STAT1: variants seen among roughly 807,000 people sequenced by gnomAD.
The protein encoded by STAT1 is signal transducer and activator of transcription 1-alpha/beta.
STAT1 carries 24 observed loss-of-function variants against 111.7 expected under a neutral mutation model. That is an observed-to-expected ratio of 0.21 (90% CI 0.16 to 0.30). STAT1 has a LOEUF of 0.30. Ranked by LOEUF, STAT1 falls within the 10% of genes least tolerant of loss-of-function variation. The pLI is 1.00. For synonymous variants in STAT1, 332 were observed against 326.5 expected (o/e 1.02, Z -0.18); for missense variants, 351 against 911.9 (o/e 0.38, Z 7.92).
chr2:190,984,196 T>A lies in STAT1; in HGVS notation c.1347+114A>T. The A allele has an allele frequency of 2.2e-6, 2 of 899,854 alleles. No individual in the cohort carries two copies. Among genetic ancestry groups the A allele is most frequent in the Non-Finnish European group, 3.6e-6 (2 of 561,304 alleles). The allele number at this position is 899,854 out of a possible 1,614,324, so 55.7% of individuals were successfully genotyped here. A position where few individuals can be genotyped will look rare whatever the true frequency, so the allele number is the denominator to read the frequency against. ...AGATAGTATTAGCTGAAAAAGATCA[T>A]TTTAAAACAATTAGGTAAATACCTC... On this transcript the variant is annotated intron_variant, in intron 16 of 24. Transcript: ENST00000361099. This position sits in a 1 kb window ranked among gnomAD's most constrained non-coding sequence, Gnocchi z 5.2.
At position 190,992,774 on chromosome 2, in the gene STAT1, T is replaced by C. The variant is rs899080119; in HGVS notation, c.945-1454A>G. The C allele has an allele frequency of 8.0e-6, 5 of 628,242 alleles. No individual in the cohort carries two copies. In the Admixed American group the frequency reaches 1.5e-4, roughly 19 times the overall value. The allele number at this position is 628,242 out of a possible 1,614,324, so 38.9% of individuals were successfully genotyped here. A position where few individuals can be genotyped will look rare whatever the true frequency, so the allele number is the denominator to read the frequency against. On this transcript the variant is annotated intron_variant, in intron 10 of 24. Transcript: ENST00000361099. ...CTGCCATCATCATGGAACACAGTTC[T>C]ACATTCATTGCATTCTTTCTTTTTT...
At position 190,973,809 on chromosome 2, in the gene STAT1, T is replaced by C. The variant is rs1691684072; in HGVS notation, c.2238+1021A>G. Among the ~76,000 whole-genome samples, 1 of 152,142 alleles carries C rather than the reference T, an allele frequency of 6.6e-6. No individual in the cohort carries two copies. Among genetic ancestry groups the C allele is most frequent in the Non-Finnish European group, 1.5e-5 (1 of 68,026 alleles). On this transcript the variant is annotated intron_variant, in intron 24 of 24. Coordinates refer to ENST00000361099, the MANE Select transcript of STAT1 (RefSeq NM_007315.4). This position sits in a 1 kb window ranked among gnomAD's most constrained non-coding sequence, Gnocchi z 4.4. ...TGTAGGAAGGTACAATCTCTAATGA[T>C]TGTAGCCCGTGCTTAAGGTGAGGAA... is the stretch of plus-strand genomic sequence containing the variant.
Position 190,986,159 on chromosome 2 carries a change from G to A in STAT1, c.1222-499C>T, listed in dbSNP as rs537163284. Among the ~76,000 whole-genome samples the A allele has an allele frequency of 2.0e-5, 3 of 152,188 alleles. No homozygotes were observed. Among genetic ancestry groups the A allele is most frequent in the South Asian group, 2.1e-4 (1 of 4,826 alleles). On this transcript the variant is annotated intron_variant, in intron 14 of 24. Coordinates refer to ENST00000361099, the MANE Select transcript of STAT1 (RefSeq NM_007315.4). This position sits in a 1 kb window ranked among gnomAD's most constrained non-coding sequence, Gnocchi z 5.0. ...GGCACCTGAGTTGGGCTAAGCTTTC[G>A]AGTTAGGTAGAGCTTCCTAGCTACG...
rs533671897 is a variant in STAT1, at chr2:190,991,273, C to T, written c.992G>A (p.Arg331Lys). Residue 331 changes from arginine to lysine, a missense_variant, in exon 11 of 25, where the codon AGG becomes AAG. Around this residue, in one of 7 missense-constraint regions of STAT1, gnomAD observed 23 missense variants for 123.1 expected, o/e 0.19. Coordinates refer to ENST00000361099, the MANE Select transcript of STAT1 (RefSeq NM_007315.4). ...GACCCCTGTCTTCAAGACCAGCGGCCTCTGAGGGTGCGTTGGCATGCAGGG... is the reference window on the plus strand; with the variant it reads ...GACCCCTGTCTTCAAGACCAGCGGCTTCTGAGGGTGCGTTGGCATGCAGGG... ...RQPCMPTHPQ[R>K]PLVLKTGVQF... The T allele has an allele frequency of 1.3e-5, 21 of 1,614,108 alleles. No individual in the cohort carries two copies. The South Asian group carries it at 2.1e-4, about 16-fold the overall frequency.
At chr2:191,010,189 G>A (rs1475386179) in intron 2 of STAT1, among the ~76,000 whole-genome samples, 185 bp from the exon 3 acceptor site, 1 of 152,166 alleles carries the variant, frequency 6.6e-6, no homozygotes, top group Non-Finnish European at 1.5e-5. Context: ...GTTTGGGGAT[G>A]AACTTTTTTT....
chr2:190,972,384 A>C (rs1691557645), intron 24 of STAT1, among the ~76,000 whole-genome samples: 1 of 152,244 alleles, frequency 6.6e-6, no homozygotes, highest in African/African-American at 2.4e-5. Flanking sequence ...AATCCAGACT[A>C]AACAAATGCC....
chr2:190,994,226 C>A (rs546257308), intron 10 of STAT1, among the ~76,000 whole-genome samples: 4 of 152,238 alleles, frequency 2.6e-5, no homozygotes, highest in South Asian at 2.1e-4. Flanking sequence ...AGCAAGAGGT[C>A]AAGTTTGCCT....
rs1197994971 is a variant in STAT1, at chr2:190,989,577, T to C, written c.1097+38A>G. ...TTGAGTAACAAAATCAACATTTCAA[T>C]AGTACATGTATGTTATATAATGTTA... is the stretch of plus-strand genomic sequence containing the variant. On this transcript the variant is annotated intron_variant, in intron 12 of 24. Transcript: ENST00000361099. This position sits in a 1 kb window ranked among gnomAD's most constrained non-coding sequence, Gnocchi z 5.0. 8.2e-7 allele frequency: 1 copy of C among 1,223,938 alleles called. No individual in the cohort carries two copies. Among genetic ancestry groups the C allele is most frequent in the Non-Finnish European group, 1.2e-6 (1 of 852,456 alleles). The allele number at this position is 1,223,938 out of a possible 1,614,324, so 75.8% of individuals were successfully genotyped here.
rs878882294 is a variant in STAT1, at chr2:190,993,488, G to A, written c.944+1573C>T. The A allele has an allele frequency of 1.2e-5, 13 of 1,040,316 alleles. No individual in the cohort carries two copies. The highest frequency in any genetic ancestry group is 1.0e-4 in the East Asian group (4 of 39,050). The allele number at this position is 1,040,316 out of a possible 1,614,324, so 64.4% of individuals were successfully genotyped here. A position where few individuals can be genotyped will look rare whatever the true frequency, so the allele number is the denominator to read the frequency against. The stretch of plus-strand genomic sequence containing the variant: ...TGTTATCATCTGCAAACCTAAGAAG[G>A]AGGCAAGACTTTCCAACCCCAGAGT... On this transcript the variant is annotated intron_variant, in intron 10 of 24. Coordinates refer to ENST00000361099, the MANE Select transcript of STAT1 (RefSeq NM_007315.4). The surrounding 1 kb of genome is among the most constrained non-coding windows in gnomAD (Gnocchi z 4.1).
rs898562727 is a variant in STAT1, at chr2:190,986,760, G to A, written c.1221+94C>T. On this transcript the variant is annotated intron_variant, in intron 14 of 24. Transcript: ENST00000361099. The surrounding 1 kb of genome is among the most constrained non-coding windows in gnomAD (Gnocchi z 5.0). The stretch of plus-strand genomic sequence containing the variant: ...AGTCTACAAACCCCAGCAGGGGGGC[G>A]TCCTCCACATGGCAATGTGCCAAAA... 1.4e-5 allele frequency: 17 copies of A among 1,214,916 alleles called. No homozygotes were observed. The highest frequency in any genetic ancestry group is 7.3e-5 in the South Asian group (6 of 82,732). 75.3% of individuals were successfully genotyped at this position (1,214,916 alleles called of 1,614,324 possible).
Position 190,990,642 on chromosome 2 carries a change from C to A in STAT1, c.1037+586G>T, listed in dbSNP as rs992397301. Among the ~76,000 whole-genome samples the A allele has an allele frequency of 2.0e-5, 3 of 152,026 alleles. No homozygotes were observed. Among genetic ancestry groups the A allele is most frequent in the Admixed American group, 6.6e-5 (1 of 15,262 alleles). On this transcript the variant is annotated intron_variant, in intron 11 of 24. Coordinates refer to ENST00000361099, the MANE Select transcript of STAT1 (RefSeq NM_007315.4). The surrounding 1 kb of genome is among the most constrained non-coding windows in gnomAD (Gnocchi z 5.1). ...TGAAATATTTGTGTAGACATGGAAT[C>A]CTAATTTTTTAAAAAGGAAACATTA...
rs911942502 is a variant in STAT1 at position 190,976,510 on chromosome 2, C to CT, written c.2059+329dup. ...TTCTCCCAGGCCTCAGTTTCCTCAA[C>CT]TTTAACGTGAGCAAGATGCCTTCTG... On this transcript the variant is annotated intron_variant, in intron 22 of 24. Transcript: ENST00000361099. This position sits in a 1 kb window ranked among gnomAD's most constrained non-coding sequence, Gnocchi z 6.0. Among the ~76,000 whole-genome samples the CT allele has an allele frequency of 2.2e-4, 33 of 152,186 alleles. No individual in the cohort carries two copies. The South Asian group carries it at 3.9e-3, about 18-fold the overall frequency.
rs1178819091 is a variant in STAT1, at chr2:191,004,968, G to C, written c.372+2595C>G. Among the ~76,000 whole-genome samples, 2 of 152,128 alleles carry C rather than the reference G, an allele frequency of 1.3e-5. No individual in the cohort carries two copies. The highest frequency in any genetic ancestry group is 2.9e-5 in the Non-Finnish European group (2 of 68,002). ...AGAAAAAAAGAAAGAAAAAAACTTA[G>C]TGTGCTGTAAGACAGCACACGAAAC... is the stretch of plus-strand genomic sequence containing the variant. On this transcript the variant is annotated intron_variant, in intron 5 of 24. Transcript: ENST00000361099. This position sits in a 1 kb window ranked among gnomAD's most constrained non-coding sequence, Gnocchi z 5.0.
chr2:190,972,300 G>C (rs1691548079), intron 24 of STAT1, among the ~76,000 whole-genome samples: 1 of 152,224 alleles, frequency 6.6e-6, no homozygotes, highest in Admixed American at 6.5e-5. Flanking sequence ...ATCATTATGA[G>C]CTTTGGCTAA....
chr2:190,982,506 A>C lies in STAT1; in HGVS notation c.1459T>G (p.Phe487Val). ...CATCGTGCACATGGTGGAGTCAGGA[A>C]GAAGGACAGATTCTAGAGAGAAAAC... ...LVAEPRNLSF[F>V]LTPPCARWAQ... Residue 487 changes from phenylalanine (F) to valine (V), a missense_variant, in exon 18 of 25, where the codon TTC (phenylalanine) becomes GTC (valine). By Grantham distance (50) the Phe-to-Val change is conservative. Transcript: ENST00000361099. This position sits in a 1 kb window ranked among gnomAD's most constrained non-coding sequence, Gnocchi z 7.3. 6.2e-7 allele frequency: 1 copy of C among 1,614,202 alleles called. No homozygotes were observed. Among genetic ancestry groups the C allele is most frequent in the Non-Finnish European group, 8.5e-7 (1 of 1,180,034 alleles).
intron 4 of STAT1, 52 bp downstream of exon 4, chr2:191,008,911 C>T: frequency 1.3e-6 from 2 of 1,597,020 alleles, no homozygotes; most frequent in Non-Finnish European, 1.7e-6. Context: ...AAGAAAACTG[C>T]CTTCCATAAA....
Position 190,979,842 on chromosome 2 carries a change from G to C in STAT1, c.1657C>G (p.Pro553Ala), listed in dbSNP as rs766471694. The change falls in exon 20 of 25, where the codon CCC becomes GCC. Residue 553 changes from proline to alanine, a missense_variant. Coordinates refer to ENST00000361099, the MANE Select transcript of STAT1 (RefSeq NM_007315.4). This position sits in a 1 kb window ranked among gnomAD's most constrained non-coding sequence, Gnocchi z 5.8. The part of the protein sequence containing the change: ...CKENINDKNF[P>A]FWLWIESILE... ...ATGCTTTCAATCCAAAGCCAGAAGG[G>C]AAAATTTTTATCATTTATATTTTCC... The C allele has an allele frequency of 6.2e-7, 1 of 1,612,650 alleles. No individual in the cohort carries two copies. Among genetic ancestry groups the C allele is most frequent in the Non-Finnish European group, 8.5e-7 (1 of 1,178,718 alleles).
In STAT1 at chr2:190,973,597, G is replaced by C. The variant is rs1691668462; in HGVS notation, c.2238+1233C>G. ...TGTGATGTAACATATTTTCTGAATA[G>C]GGCTTTATATTTATTCCATTTTTGT... On this transcript the variant is annotated intron_variant, in intron 24 of 24. Transcript: ENST00000361099. This position sits in a 1 kb window ranked among gnomAD's most constrained non-coding sequence, Gnocchi z 4.4. Among the ~76,000 whole-genome samples, 2 of 152,154 alleles carry C rather than the reference G, an allele frequency of 1.3e-5. No homozygotes were observed.
Position 191,014,024 on chromosome 2 carries a change from C to T in STAT1, c.-162G>A, listed in dbSNP as rs556645752. ...GAACCTCACGGCCACTCACTCTGCG[C>T]GCAGGATCCGGAAGGGCTAGGCGGG... On this transcript the variant is annotated 5_prime_UTR_variant, in exon 1 of 25. Transcript: ENST00000361099. The T allele has an allele frequency of 5.0e-6, 1 of 198,404 alleles. No individual in the cohort carries two copies. Among genetic ancestry groups the T allele is most frequent in the Non-Finnish European group, 1.0e-5 (1 of 98,720 alleles). 12.3% of individuals were successfully genotyped at this position (198,404 alleles called of 1,614,324 possible).
Sources: gnomAD v4.1 joint callset for allele counts (sites outside exome capture counted in the v4.1 genomes callset) on GRCh38, gnomAD v4.1.1 for gene constraint, gnomAD v4.1.1 regional missense constraint, Gnocchi (gnomAD v3.1) non-coding constraint, MANE v1.5 for transcripts, NCBI Gene and HGNC (gene_info 2026-07-23, HGNC 2026-07-21) for gene names.